Variants in NEO1 observed in about 807,000 individuals in gnomAD.
NEO1 encodes the protein neogenin.
NEO1 carries 63 observed loss-of-function variants against 159.7 expected under a neutral mutation model. The ratio of observed to expected loss-of-function variants is 0.39; its 90% confidence interval spans 0.32 to 0.49. The LOEUF (loss-of-function observed/expected upper bound fraction) is 0.49, where lower values mean the gene tolerates loss of function less well. Among genes scored for constraint, NEO1 ranks in the 20% least tolerant of loss-of-function variants. The pLI is 0.85. For missense variants in NEO1, 1,615 were observed against 1,831.0 expected, an observed-to-expected ratio of 0.88 and a Z score of 2.15; for synonymous variants, 633 against 662.0, an observed-to-expected ratio of 0.96 and a Z score of 0.67.
At chr15:73,119,643 C>T (rs910287082) in intron 2 of NEO1, among the ~76,000 whole-genome samples, 1 of 152,220 alleles carries the variant, frequency 6.6e-6, no homozygotes, top group African/African-American at 2.4e-5. Context: ...GCAGGACAAC[C>T]GGCTTCCTTC....
intron 5 of NEO1, among the ~76,000 whole-genome samples, chr15:73,160,435 C>T (rs1309194184): frequency 6.6e-6 from 1 of 152,096 alleles, no homozygotes; most frequent in Non-Finnish European, 1.5e-5. Flanking sequence ...GCCTCCTCAC[C>T]ATTTCCATGT....
At chr15:73,068,153 T>G (rs536707812) in intron 1 of NEO1, among the ~76,000 whole-genome samples, 19 of 152,068 alleles carry the variant, frequency 1.2e-4, no homozygotes, top group African/African-American at 4.6e-4. Context: ...ACGCATTGTT[T>G]GCAATGCTGA....
At chr15:73,191,135 A>C (rs1427162524) in intron 7 of NEO1, among the ~76,000 whole-genome samples, 1 of 152,090 alleles carries the variant, frequency 6.6e-6, no homozygotes, top group Non-Finnish European at 1.5e-5. Context: ...TAATGAAACA[A>C]ACCTTGTGCT....
chr15:73,116,272 T>C (rs987672674), intron 1 of NEO1, among the ~76,000 whole-genome samples: 4 of 152,192 alleles, frequency 2.6e-5, no homozygotes, highest in African/African-American at 9.6e-5. Flanking sequence ...ATAAAACTTT[T>C]ATTAGATACT....
At chr15:73,199,369 C>CT (rs1035972613) in intron 7 of NEO1, among the ~76,000 whole-genome samples, 145 of 151,750 alleles carry the variant, frequency 9.6e-4, no homozygotes, top group African/African-American at 3.4e-3. Flanking sequence ...CATAAAGTTA[C>CT]TTTTTTTTAT....
At chr15:73,079,441 A>G (rs1258892163) in intron 1 of NEO1, among the ~76,000 whole-genome samples, 1 of 152,222 alleles carries the variant, frequency 6.6e-6, no homozygotes, top group East Asian at 1.9e-4. Context: ...TGAAACGTAA[A>G]TCTAGATCTT....
At chr15:73,174,032 G>A (rs1178936122) in intron 5 of NEO1, among the ~76,000 whole-genome samples, 1 of 150,730 alleles carries the variant, frequency 6.6e-6, no homozygotes, top group Non-Finnish European at 1.5e-5. Flanking sequence ...CCTGTGAGGC[G>A]AAGATTGCAG....
rs1470184078 is a variant in NEO1, at chr15:73,190,451, G to A, written c.1291+12024G>A. 3.9e-5 allele frequency among the ~76,000 whole-genome samples: 6 copies of A among 152,188 alleles called. No homozygotes were observed. In the South Asian group the frequency reaches 1.0e-3, roughly 26 times the overall value. ...CTTAAATGACTGCTGGGATGTTATG[G>A]CCATAGTAGATAAGAATACACACTG... On this transcript the variant is annotated intron_variant, in intron 7 of 28. Transcript: ENST00000261908.
chr15:73,077,200 C>T (rs913149524), intron 1 of NEO1, among the ~76,000 whole-genome samples: 7 of 152,048 alleles, frequency 4.6e-5, no homozygotes, highest in Admixed American at 1.3e-4. Context: ...CCCGCCACCA[C>T]GCCTGGCTAA....
At chr15:73,195,044 G>A (rs746971524) in intron 7 of NEO1, among the ~76,000 whole-genome samples, 16 of 152,252 alleles carry the variant, frequency 1.1e-4, no homozygotes, top group Middle Eastern at 3.4e-3. Flanking sequence ...CAAAGGTCAT[G>A]GACTTTAAGA....
At chr15:73,220,891 G>T (rs2038211526) in intron 7 of NEO1, among the ~76,000 whole-genome samples, 1 of 152,138 alleles carries the variant, frequency 6.6e-6, no homozygotes, top group Admixed American at 6.5e-5. Context: ...GTAGCTTGGA[G>T]TAGTTTGATC....
intron 20 of NEO1, 64 bp from the exon 21 acceptor site, chr15:73,274,628 G>A: frequency 6.5e-7 from 1 of 1,537,972 alleles, no homozygotes; most frequent in East Asian, 2.2e-5. Context: ...AGTTCTGCCT[G>A]TCCCATCTTC....
intron 1 of NEO1, among the ~76,000 whole-genome samples, chr15:73,107,752 A>G (rs2070764280): frequency 6.6e-6 from 1 of 152,212 alleles, no homozygotes; most frequent in Non-Finnish European, 1.5e-5. Context: ...TTTCATCAGT[A>G]TAGCAAAAGT....
intron 5 of NEO1, among the ~76,000 whole-genome samples, chr15:73,137,006 T>C (rs1482623028): frequency 6.6e-6 from 1 of 152,142 alleles, no homozygotes; most frequent in African/African-American, 2.4e-5. Flanking sequence ...GAGTAAATCA[T>C]AGTGGTTCTG....
chr15:73,298,662 T>G (rs764014896), intron 27 of NEO1, 51 bp downstream of exon 27: 200 of 1,602,034 alleles, frequency 1.2e-4, no homozygotes, highest in Non-Finnish European at 1.6e-4. Flanking sequence ...GAGTGACCCT[T>G]TGGCTCAAGC....
intron 13 of NEO1, among the ~76,000 whole-genome samples, chr15:73,256,423 C>T (rs531213439): frequency 3.9e-5 from 6 of 152,240 alleles, no homozygotes; most frequent in Middle Eastern, 3.4e-3. Flanking sequence ...TCTCTTGAAC[C>T]GGGGAGGCAG....
At chr15:73,084,525 T>G (rs2069246320) in intron 1 of NEO1, among the ~76,000 whole-genome samples, 1 of 152,174 alleles carries the variant, frequency 6.6e-6, no homozygotes. Flanking sequence ...ATATATACCA[T>G]TTTTTCCTTT....
At chr15:73,226,907 G>A (rs1191212119) in intron 7 of NEO1, among the ~76,000 whole-genome samples, 1 of 152,172 alleles carries the variant, frequency 6.6e-6, no homozygotes, top group Non-Finnish European at 1.5e-5. Context: ...AAAAGAAAAT[G>A]TAAATGTACC....
At chr15:73,280,337 T>TGCCTCATTTTTTGCCAG (rs1567681666) in intron 22 of NEO1, among the ~76,000 whole-genome samples, 2 of 151,602 alleles carry the variant, frequency 1.3e-5, no homozygotes, top group East Asian at 3.9e-4. Flanking sequence ...CATAAAGAAA[T>TGCCTCATTTTTTGCCAG]GGCATATATA....
Sources: allele counts gnomAD v4.1 joint callset (sites outside exome capture counted in the v4.1 genomes callset), GRCh38; gene constraint gnomAD v4.1.1; transcripts MANE v1.5; gene names NCBI Gene and HGNC (gene_info 2026-07-23, HGNC 2026-07-21).